KCNQ1: variants seen among roughly 807,000 people sequenced by gnomAD.
The protein encoded by KCNQ1 is potassium voltage-gated channel subfamily Q member 1, also known as potassium voltage-gated channel subfamily KQT member 1.
Under a neutral mutation model 72.4 loss-of-function variants are expected in KCNQ1, and 49 were observed. The ratio of observed to expected loss-of-function variants is 0.68; its 90% CI spans 0.54 to 0.86. KCNQ1 has a LOEUF of 0.86. Among genes scored for constraint, KCNQ1 ranks in the 40% least tolerant of loss-of-function variants. The pLI is 0.00. For synonymous variants in KCNQ1, 450 were observed against 412.6 expected (o/e 1.09, Z -1.10); for missense variants, 790 against 945.1 (o/e 0.84, Z 2.15).
chr11:2,647,165 CTTTTT>C lies in KCNQ1; in HGVS notation c.1394-14790_1394-14786del, dbSNP rs141799528. 3 of 380,128 alleles carry C rather than the reference CTTTTT, an allele frequency of 7.9e-6. No homozygotes were observed. Among genetic ancestry groups the C allele is most frequent in the South Asian group, 1.3e-4 (1 of 7,482 alleles). The allele number at this position is 380,128 out of a possible 1,614,324, so 23.5% of individuals were successfully genotyped here. ...TTCCTTCTAGACATTATGTGATGAG[CTTTTT>C]TTTTTATCATGAAGAGATTTTGAAT... On this transcript the variant is annotated intron_variant, in intron 10 of 15. Transcript: ENST00000155840. The surrounding 1 kb of genome is among the most constrained non-coding windows in gnomAD (Gnocchi z 4.0).
chr11:2,512,254 G>C (rs992738038), intron 1 of KCNQ1, among the ~76,000 whole-genome samples: 1 of 152,170 alleles, frequency 6.6e-6, no homozygotes, highest in African/African-American at 2.4e-5. Context: ...AGGGCCCTAC[G>C]GGTGCTGGAG....
chr11:2,655,092 A>T, intron 10 of KCNQ1: 1 of 398,602 alleles, frequency 2.5e-6, no homozygotes, highest in Non-Finnish European at 4.4e-6. Flanking sequence ...ATTTTTAAAA[A>T]AATAAAATTC....
chr11:2,510,260 C>T (rs1847176814), intron 1 of KCNQ1, among the ~76,000 whole-genome samples: 1 of 150,846 alleles, frequency 6.6e-6, no homozygotes, highest in Non-Finnish European at 1.5e-5. Context: ...GCCTGAGTGA[C>T]AGAACGAGAC....
chr11:2,756,934 C>G (rs1846308869), intron 11 of KCNQ1, among the ~76,000 whole-genome samples: 1 of 112,272 alleles, frequency 8.9e-6, no homozygotes, highest in African/African-American at 3.2e-5. Context: ...ACTTTCCCAA[C>G]TTGATCAAGA....
rs550639257 is a variant in KCNQ1 at position 2,469,492 on chromosome 11, C to CT, written c.386+24009dup. Among the ~76,000 whole-genome samples the CT allele has an allele frequency of 6.6e-3, 1,008 of 152,128 alleles. 8 individuals carry two copies. The highest frequency in any genetic ancestry group is 9.9e-3 in the Non-Finnish European group (675 of 68,006). On this transcript the variant is annotated intron_variant, in intron 1 of 15. Coordinates refer to ENST00000155840, the MANE Select transcript of KCNQ1 (RefSeq NM_000218.3). ...TTCACCACGTTGGCCAGGCTGGTCT[C>CT]TAACTCCTGACCTCGTGATCCACCT...
In KCNQ1 at chr11:2,682,622, T is replaced by C. The variant is rs1850418199; in HGVS notation, c.1514+20541T>C. On this transcript the variant is annotated intron_variant, in intron 11 of 15. Transcript: ENST00000155840. The surrounding 1 kb of genome is among the most constrained non-coding windows in gnomAD (Gnocchi z 5.8). ...AGAGTGTAAGGCTTGAGAGCTCTTC[T>C]TCAGGCTCAGTCATCCCTGCTTCCC... 5.0e-6 allele frequency: 2 copies of C among 398,450 alleles called. No homozygotes were observed. The highest frequency in any genetic ancestry group is 4.1e-5 in the African/African-American group (2 of 48,602). 24.7% of individuals were successfully genotyped at this position (398,450 alleles called of 1,614,324 possible). A position where few individuals can be genotyped will look rare whatever the true frequency, so the allele number is the denominator to read the frequency against.
Position 2,734,821 on chromosome 11 carries a change from C to T in KCNQ1, c.1515-34023C>T, listed in dbSNP as rs1202647059. Among the ~76,000 whole-genome samples, 1 of 152,054 alleles carries T rather than the reference C, an allele frequency of 6.6e-6. No individual in the cohort carries two copies. Among genetic ancestry groups the T allele is most frequent in the East Asian group, 1.9e-4 (1 of 5,160 alleles). On this transcript the variant is annotated intron_variant, in intron 11 of 15. Transcript: ENST00000155840. The surrounding 1 kb of genome is among the most constrained non-coding windows in gnomAD (Gnocchi z 7.0). ...CCTGCCTCCTCCAGCCTCAGTTTCC[C>T]CCACTGTGAAATAGGGATGACCTCC...
intron 15 of KCNQ1, among the ~76,000 whole-genome samples, chr11:2,841,501 A>G (rs2134086218): frequency 6.6e-6 from 1 of 152,326 alleles, no homozygotes; most frequent in African/African-American, 2.4e-5. Flanking sequence ...CACATGCTCC[A>G]GACCAGAGAG....
At position 2,565,015 on chromosome 11, in the gene KCNQ1, T is replaced by C. The variant is rs925391248; in HGVS notation, c.478-5613T>C. On this transcript the variant is annotated intron_variant, in intron 2 of 15. Coordinates refer to ENST00000155840, the MANE Select transcript of KCNQ1 (RefSeq NM_000218.3). The surrounding 1 kb of genome is among the most constrained non-coding windows in gnomAD (Gnocchi z 5.6). ...AGGGACACTGGGCTGGTTCCCCTTT[T>C]TGGCTGTTGTGAATGTTGCTGCTGT... Among the ~76,000 whole-genome samples, 2 of 152,198 alleles carry C rather than the reference T, an allele frequency of 1.3e-5. No individual in the cohort carries two copies. Among genetic ancestry groups the C allele is most frequent in the Non-Finnish European group, 2.9e-5 (2 of 68,030 alleles).
intron 10 of KCNQ1, chr11:2,646,375 A>T (rs1013133466): frequency 2.5e-6 from 1 of 398,508 alleles, no homozygotes; most frequent in African/African-American, 2.1e-5. Flanking sequence ...CTCTTCAATT[A>T]CTGTTATCAG....
Position 2,661,802 on chromosome 11 carries a change from C to A in KCNQ1, c.1394-159C>A. On this transcript the variant is annotated intron_variant, in intron 10 of 15. Coordinates refer to ENST00000155840, the MANE Select transcript of KCNQ1 (RefSeq NM_000218.3). This position sits in a 1 kb window ranked among gnomAD's most constrained non-coding sequence, Gnocchi z 5.9. ...ACTTTGGGGCCATCTTAAACACCCA[C>A]CCACCCCAACACCCAACTATAAAAC... 2 of 826,964 alleles carry A rather than the reference C, an allele frequency of 2.4e-6. No individual in the cohort carries two copies. Among genetic ancestry groups the A allele is most frequent in the Non-Finnish European group, 4.0e-6 (2 of 505,918 alleles). 51.2% of individuals were successfully genotyped at this position (826,964 alleles called of 1,614,324 possible). A position where few individuals can be genotyped will look rare whatever the true frequency, so the allele number is the denominator to read the frequency against.
Position 2,808,870 on chromosome 11 carries a change from A to G in KCNQ1, c.1794+30833A>G, listed in dbSNP as rs1847429601. 6.6e-6 allele frequency among the ~76,000 whole-genome samples: 1 copy of G among 152,248 alleles called. No homozygotes were observed. The highest frequency in any genetic ancestry group is 1.9e-4 in the East Asian group (1 of 5,184). Reference sequence around the variant, plus strand: ...GGAGGATTAGGGGAGGGATAAATGGATGGATGGATGAACACATGGACAATG... The same window carrying G: ...GGAGGATTAGGGGAGGGATAAATGGGTGGATGGATGAACACATGGACAATG... On this transcript the variant is annotated intron_variant, in intron 15 of 15. Transcript: ENST00000155840. The surrounding 1 kb of genome is among the most constrained non-coding windows in gnomAD (Gnocchi z 6.0).
chr11:2,828,605 C>G lies in KCNQ1; in HGVS notation c.1795-19162C>G, dbSNP rs974147681. On this transcript the variant is annotated intron_variant, in intron 15 of 15. Coordinates refer to ENST00000155840, the MANE Select transcript of KCNQ1 (RefSeq NM_000218.3). This position sits in a 1 kb window ranked among gnomAD's most constrained non-coding sequence, Gnocchi z 5.3. ...GCAGGTCTCACCCCAGCCCATGAAGCCAGATGCTACTGATTCTCAAGCTCA... is the reference window on the plus strand; with the variant it reads ...GCAGGTCTCACCCCAGCCCATGAAGGCAGATGCTACTGATTCTCAAGCTCA... 6.6e-6 allele frequency among the ~76,000 whole-genome samples: 1 copy of G among 152,164 alleles called. No individual in the cohort carries two copies. Among genetic ancestry groups the G allele is most frequent in the East Asian group, 1.9e-4 (1 of 5,174 alleles).
chr11:2,472,814 C>T (rs911440516), intron 1 of KCNQ1, among the ~76,000 whole-genome samples: 1 of 152,112 alleles, frequency 6.6e-6, no homozygotes, highest in Non-Finnish European at 1.5e-5. Flanking sequence ...AAAAGTGCAA[C>T]CATGCTGTGG....
In KCNQ1 at chr11:2,818,073, G is replaced by A. The variant is rs568086168; in HGVS notation, c.1795-29694G>A. On this transcript the variant is annotated intron_variant, in intron 15 of 15. Coordinates refer to ENST00000155840, the MANE Select transcript of KCNQ1 (RefSeq NM_000218.3). The surrounding 1 kb of genome is among the most constrained non-coding windows in gnomAD (Gnocchi z 7.2). Reference sequence around the variant, plus strand: ...ATCCTGGCAAAAAAGTGGCAGGATTGTCTGAAAAACACATGGCCAGCCACC... The same window carrying A: ...ATCCTGGCAAAAAAGTGGCAGGATTATCTGAAAAACACATGGCCAGCCACC... Among the ~76,000 whole-genome samples, 63 of 152,300 alleles carry A rather than the reference G, an allele frequency of 4.1e-4. No homozygotes were observed. Among genetic ancestry groups the A allele is most frequent in the African/African-American group, 1.5e-3 (61 of 41,548 alleles).
In KCNQ1 at chr11:2,526,111, C is replaced by T. The variant is rs1171149158; in HGVS notation, c.387-1817C>T. On this transcript the variant is annotated intron_variant, in intron 1 of 15. Transcript: ENST00000155840. The surrounding 1 kb of genome is among the most constrained non-coding windows in gnomAD (Gnocchi z 6.1). ...CAGGTGCACGGGCCCTGAGGTGGGC[C>T]GGGCTGGGCACAGTCAGGACTGGCA... 5.9e-5 allele frequency among the ~76,000 whole-genome samples: 9 copies of T among 152,218 alleles called. No homozygotes were observed. The highest frequency in any genetic ancestry group is 5.8e-4 in the East Asian group (3 of 5,158).
rs1850290994 is a variant in KCNQ1 at position 2,676,181 on chromosome 11, C to G, written c.1514+14100C>G. On this transcript the variant is annotated intron_variant, in intron 11 of 15. Transcript: ENST00000155840. This position sits in a 1 kb window ranked among gnomAD's most constrained non-coding sequence, Gnocchi z 4.2. ...TTCTACACTTTGCCTTTGACTTCTT[C>G]CATAGGTATGCCATACTTCTTTTTG... 1 of 398,622 alleles carries G rather than the reference C, an allele frequency of 2.5e-6. No homozygotes were observed. Among genetic ancestry groups the G allele is most frequent in the East Asian group, 3.6e-5 (1 of 28,078 alleles). 24.7% of individuals were successfully genotyped at this position (398,622 alleles called of 1,614,324 possible). A position where few individuals can be genotyped will look rare whatever the true frequency, so the allele number is the denominator to read the frequency against.
Position 2,479,687 on chromosome 11 carries a change from A to C in KCNQ1, c.386+34203A>C, listed in dbSNP as rs1288253592. Reference sequence around the variant, plus strand: ...TCCTAAGGTCTCTGACATGCCCTGGAGACATTTTCCCCATTGTCTTAGTGA... The same window carrying C: ...TCCTAAGGTCTCTGACATGCCCTGGCGACATTTTCCCCATTGTCTTAGTGA... On this transcript the variant is annotated intron_variant, in intron 1 of 15. Coordinates refer to ENST00000155840, the MANE Select transcript of KCNQ1 (RefSeq NM_000218.3). The surrounding 1 kb of genome is among the most constrained non-coding windows in gnomAD (Gnocchi z 4.6). 6.6e-6 allele frequency among the ~76,000 whole-genome samples: 1 copy of C among 152,184 alleles called. No homozygotes were observed. Among genetic ancestry groups the C allele is most frequent in the East Asian group, 1.9e-4 (1 of 5,182 alleles).
At chr11:2,586,646 G>C (rs1848596224) in intron 8 of KCNQ1, among the ~76,000 whole-genome samples, 1 of 152,188 alleles carries the variant, frequency 6.6e-6, no homozygotes, top group Non-Finnish European at 1.5e-5. Flanking sequence ...GGAGTGCTCA[G>C]CCTGTGTGTG....
Sources: allele counts gnomAD v4.1 joint callset (sites outside exome capture counted in the v4.1 genomes callset), GRCh38; gene constraint gnomAD v4.1.1; non-coding constraint Gnocchi (gnomAD v3.1); transcripts MANE v1.5; gene names NCBI Gene and HGNC (gene_info 2026-07-23, HGNC 2026-07-21).